Variants in PLXDC2 observed in about 807,000 individuals in gnomAD.
PLXDC2 encodes the protein plexin domain containing 2, also known as plexin domain-containing protein 2.
In PLXDC2, 40 loss-of-function variants were observed where a neutral mutation model predicts 68.9. The ratio of observed to expected loss-of-function variants is 0.58; its 90% confidence interval spans 0.45 to 0.76. The LOEUF (loss-of-function observed/expected upper bound fraction) is 0.76, where lower values mean the gene tolerates loss of function less well. Among genes scored for constraint, PLXDC2 ranks in the 30% least tolerant of loss-of-function variants. The probability of loss-of-function intolerance (pLI) is 0.00; values close to 1 mark genes in which losing one functional copy is unlikely to be tolerated. For missense variants in PLXDC2, 644 were observed against 661.9 expected (o/e 0.97, Z 0.30); for synonymous variants, 243 against 234.2 (o/e 1.04, Z -0.34).
chr10:20,161,750 G>A (rs1053063487), intron 6 of PLXDC2, among the ~76,000 whole-genome samples: 4 of 152,058 alleles, frequency 2.6e-5, no homozygotes, highest in African/African-American at 4.8e-5. Flanking sequence ...GGTAGAATGC[G>A]GCTGGGTGCA....
intron 1 of PLXDC2, among the ~76,000 whole-genome samples, chr10:19,977,064 C>T (rs1249734453): frequency 6.6e-6 from 1 of 152,102 alleles, no homozygotes; most frequent in Non-Finnish European, 1.5e-5. Context: ...TATCTGTTCC[C>T]TTCAAATTGC....
At chr10:20,159,271 A>G (rs1366608572) in intron 6 of PLXDC2, among the ~76,000 whole-genome samples, 3 of 152,154 alleles carry the variant, frequency 2.0e-5, no homozygotes, top group Non-Finnish European at 4.4e-5. Context: ...TACAACCTAT[A>G]ACATTCCTGA....
chr10:20,138,588 T>G (rs546808881), intron 4 of PLXDC2, among the ~76,000 whole-genome samples: 6 of 152,350 alleles, frequency 3.9e-5, no homozygotes, highest in African/African-American at 1.4e-4. Context: ...ACCATTATTC[T>G]TTTTAAAGTT....
At chr10:19,845,715 C>G (rs80173753) in intron 1 of PLXDC2, among the ~76,000 whole-genome samples, 4,554 of 152,264 alleles carry the variant, frequency 0.03, 212 homozygotes, top group African/African-American at 0.1. Flanking sequence ...AGAAGCAGCT[C>G]AGGGCAGTTT....
intron 1 of PLXDC2, among the ~76,000 whole-genome samples, chr10:19,961,551 A>AGT: frequency 6.6e-6 from 1 of 152,358 alleles, no homozygotes; most frequent in East Asian, 1.9e-4. Context: ...TGACATGATC[A>AGT]GTTCTAGAAT....
chr10:20,034,703 A>C (rs2131670833), intron 2 of PLXDC2, among the ~76,000 whole-genome samples: 1 of 152,340 alleles, frequency 6.6e-6, no homozygotes, highest in South Asian at 2.1e-4. Flanking sequence ...ATCATGTGAT[A>C]CATACAACAT....
chr10:19,976,586 C>T (rs116521125), intron 1 of PLXDC2, among the ~76,000 whole-genome samples: 141 of 152,264 alleles, frequency 9.3e-4, no homozygotes, highest in African/African-American at 3.2e-3. Context: ...TTTTAGCTGC[C>T]ATCAGCGTAC....
chr10:19,824,227 C>G (rs1030473627), intron 1 of PLXDC2, among the ~76,000 whole-genome samples: 8 of 152,114 alleles, frequency 5.3e-5, no homozygotes, highest in African/African-American at 1.9e-4. Context: ...TAAATAGTAC[C>G]TAGGAGTTTT....
chr10:20,197,550 G>A (rs1233896065), intron 9 of PLXDC2, among the ~76,000 whole-genome samples: 2 of 152,050 alleles, frequency 1.3e-5, no homozygotes, highest in African/African-American at 4.8e-5. Context: ...TAGAAATGGG[G>A]TTTCACCATG....
chr10:19,971,243 G>A (rs1263027783), intron 1 of PLXDC2, among the ~76,000 whole-genome samples: 1 of 152,184 alleles, frequency 6.6e-6, no homozygotes, highest in African/African-American at 2.4e-5. Flanking sequence ...TTGAGAATGA[G>A]AGGAGTGAAT....
intron 2 of PLXDC2, among the ~76,000 whole-genome samples, chr10:20,044,697 C>T (rs1393477951): frequency 6.6e-6 from 1 of 152,114 alleles, no homozygotes; most frequent in Non-Finnish European, 1.5e-5. Context: ...TTCCAGGTCT[C>T]ACACCCCCAC....
intron 1 of PLXDC2, among the ~76,000 whole-genome samples, chr10:19,966,928 G>A (rs554142657): frequency 6.6e-6 from 1 of 152,306 alleles, no homozygotes; most frequent in Non-Finnish European, 1.5e-5. Flanking sequence ...AGCTGGTGCT[G>A]GGTCGCTGTT....
intron 1 of PLXDC2, among the ~76,000 whole-genome samples, chr10:19,842,701 G>A (rs1317642110): frequency 6.6e-6 from 1 of 152,152 alleles, no homozygotes; most frequent in Non-Finnish European, 1.5e-5. Flanking sequence ...GAATTTGAAG[G>A]CAGCTAAACA....
intron 2 of PLXDC2, among the ~76,000 whole-genome samples, chr10:20,037,634 C>G (rs1374712071): frequency 8.5e-5 from 13 of 152,116 alleles, no homozygotes; most frequent in Non-Finnish European, 2.9e-5. Context: ...AATAAATGAA[C>G]CAACATAAAC....
At chr10:19,854,139 C>A (rs1371844871) in intron 1 of PLXDC2, among the ~76,000 whole-genome samples, 1 of 152,174 alleles carries the variant, frequency 6.6e-6, no homozygotes, top group African/African-American at 2.4e-5. Flanking sequence ...TGCTATCAGA[C>A]TGGCTGGAAT....
intron 13 of PLXDC2, among the ~76,000 whole-genome samples, chr10:20,276,989 A>G (rs1300357688): frequency 6.6e-6 from 1 of 152,054 alleles, no homozygotes; most frequent in Non-Finnish European, 1.5e-5. Flanking sequence ...AGGTGGGTGG[A>G]TCACGAGGTC....
At chr10:20,109,461 G>A (rs370773166) in intron 4 of PLXDC2, among the ~76,000 whole-genome samples, 2 of 151,312 alleles carry the variant, frequency 1.3e-5, no homozygotes, top group Admixed American at 6.6e-5. Context: ...CTCTTAAACT[G>A]ATACATTACA....
rs1437807194 is a variant in PLXDC2, at chr10:19,816,945, A to T, written c.-135A>T. ...TCTCGGTTCCCTACTGTGAAATCGC[A>T]GCGACATTTACAAAGGCCTCCGGGT... On this transcript the variant is annotated 5_prime_UTR_variant, in exon 1 of 14. Coordinates refer to ENST00000377252, the MANE Select transcript of PLXDC2 (RefSeq NM_032812.9). The T allele has an allele frequency of 1.6e-6, 1 of 631,692 alleles. No homozygotes were observed. Among genetic ancestry groups the T allele is most frequent in the Non-Finnish European group, 2.8e-6 (1 of 362,544 alleles). 39.1% of individuals were successfully genotyped at this position (631,692 alleles called of 1,614,324 possible).
At position 19,817,072 on chromosome 10, in the gene PLXDC2, G is replaced by T. The variant is rs376609822; in HGVS notation, c.-8G>T. The T allele has an allele frequency of 6.2e-5, 95 of 1,540,064 alleles. No homozygotes were observed. In the African/African-American group the frequency reaches 1.1e-3, roughly 18 times the overall value. On this transcript the variant is annotated 5_prime_UTR_variant, in exon 1 of 14. Coordinates refer to ENST00000377252, the MANE Select transcript of PLXDC2 (RefSeq NM_032812.9). ...TGGCGGGTGGGGTAGGGAGGTGGCGGCGGCGGCATGGCGAGGTTCCCGAAG... is the reference window on the plus strand; with the variant it reads ...TGGCGGGTGGGGTAGGGAGGTGGCGTCGGCGGCATGGCGAGGTTCCCGAAG...
Sources: allele counts gnomAD v4.1 joint callset (sites outside exome capture counted in the v4.1 genomes callset), GRCh38; gene constraint gnomAD v4.1.1; transcripts MANE v1.5; gene names NCBI Gene and HGNC (gene_info 2026-07-23, HGNC 2026-07-21).